PDE4D: variants seen among roughly 807,000 people sequenced by gnomAD.
PDE4D encodes phosphodiesterase 4D, also known as 3',5'-cyclic-AMP phosphodiesterase 4D.
PDE4D carries 24 observed loss-of-function variants against 87.4 expected under a neutral mutation model. The observed-to-expected ratio is 0.27, with a 90% confidence interval of 0.20 to 0.39. The LOEUF is 0.39. Among genes scored for constraint, PDE4D ranks in the 10% least tolerant of loss-of-function variants. The probability of loss-of-function intolerance (pLI) is 1.00; values close to 1 mark genes in which losing one functional copy is unlikely to be tolerated. For missense variants in PDE4D, 714 were observed against 1,041.0 expected, an observed-to-expected ratio of 0.69 and a Z score of 4.32; for synonymous variants, 384 against 383.2, an observed-to-expected ratio of 1.00 and a Z score of -0.02.
intron 3 of PDE4D, among the ~76,000 whole-genome samples, chr5:59,924,490 A>G (rs1418964555): frequency 2.0e-5 from 3 of 152,130 alleles, no homozygotes; most frequent in Non-Finnish European, 4.4e-5. Context: ...CAACAGGAGA[A>G]AATAAACAAA....
chr5:59,824,325 C>T (rs1001043167), intron 1 of PDE4D, among the ~76,000 whole-genome samples: 5 of 152,170 alleles, frequency 3.3e-5, no homozygotes, highest in East Asian at 1.9e-4. Context: ...GAACTGGCCA[C>T]GTTTCAAGTG....
At chr5:59,504,127 G>A (rs1399549652) in intron 1 of PDE4D, among the ~76,000 whole-genome samples, 1 of 152,028 alleles carries the variant, frequency 6.6e-6, no homozygotes, top group Non-Finnish European at 1.5e-5. Context: ...GTAATAGCAT[G>A]TGCTAAATGT....
At chr5:59,937,889 C>T (rs1756775461) in intron 3 of PDE4D, among the ~76,000 whole-genome samples, 1 of 152,204 alleles carries the variant, frequency 6.6e-6, no homozygotes, top group Admixed American at 6.5e-5. Flanking sequence ...TCTTATGCTT[C>T]CTCTAAGGAT....
chr5:60,215,832 A>T (rs1187719079), intron 1 of PDE4D, among the ~76,000 whole-genome samples: 1 of 152,198 alleles, frequency 6.6e-6, no homozygotes, highest in Non-Finnish European at 1.5e-5. Flanking sequence ...TCCCAATATA[A>T]ATAAGATAGA....
intron 6 of PDE4D, among the ~76,000 whole-genome samples, chr5:59,015,272 T>C (rs560662434): frequency 1.3e-4 from 20 of 151,888 alleles, no homozygotes; most frequent in African/African-American, 4.8e-4. Flanking sequence ...AATTGACAAA[T>C]GGGATCTAAT....
chr5:60,327,859 G>A (rs761043705), intron 1 of PDE4D, among the ~76,000 whole-genome samples: 2 of 151,532 alleles, frequency 1.3e-5, no homozygotes, highest in Non-Finnish European at 3.0e-5. Flanking sequence ...AAGTTACATG[G>A]ATATATTCAG....
chr5:60,269,486 C>T (rs1750594408), intron 1 of PDE4D, among the ~76,000 whole-genome samples: 1 of 152,132 alleles, frequency 6.6e-6, no homozygotes, highest in Non-Finnish European at 1.5e-5. Context: ...TGGTTGGACA[C>T]CTGTGTTGAT....
At chr5:60,089,290 G>A (rs571586588) in intron 2 of PDE4D, among the ~76,000 whole-genome samples, 2 of 152,038 alleles carry the variant, frequency 1.3e-5, no homozygotes, top group South Asian at 4.1e-4. Context: ...CATATGTTAG[G>A]TAACAAAACA....
At chr5:59,527,179 A>C (rs1263675361) in intron 1 of PDE4D, among the ~76,000 whole-genome samples, 1 of 152,194 alleles carries the variant, frequency 6.6e-6, no homozygotes. Flanking sequence ...GTGTGCATGC[A>C]AGTGTGTTTA....
intron 2 of PDE4D, among the ~76,000 whole-genome samples, chr5:59,990,384 C>A (rs1762883174): frequency 1.3e-5 from 2 of 152,272 alleles, no homozygotes; most frequent in Admixed American, 6.5e-5. Context: ...GCTCACTCTT[C>A]ACATTGATTC....
chr5:60,053,805 C>G (rs1360964023), intron 2 of PDE4D, among the ~76,000 whole-genome samples: 1 of 152,126 alleles, frequency 6.6e-6, no homozygotes, highest in African/African-American at 2.4e-5. Context: ...GGTCTAACAT[C>G]TAGAATCTAC....
rs755188346 is a variant in PDE4D at position 59,514,400 on chromosome 5, C to A, written c.456-298432G>T. Among the ~76,000 whole-genome samples, 3 of 152,204 alleles carry A rather than the reference C, an allele frequency of 2.0e-5. No homozygotes were observed. The South Asian group carries it at 6.2e-4, about 32-fold the overall frequency. ...GATTACAGGCGTGAGCCACCGCACC[C>A]GGCCTTCATTTTTCAATTTAGAATC... On this transcript the variant is annotated intron_variant, in intron 1 of 14. Transcript: ENST00000340635.
intron 1 of PDE4D, among the ~76,000 whole-genome samples, chr5:59,808,754 A>AT: frequency 6.6e-6 from 1 of 152,286 alleles, no homozygotes; most frequent in African/African-American, 2.4e-5. Context: ...GATTATGAAT[A>AT]TAACCCCAGC....
chr5:60,290,096 T>C (rs1752755618), intron 1 of PDE4D, among the ~76,000 whole-genome samples: 1 of 152,220 alleles, frequency 6.6e-6, no homozygotes, highest in Non-Finnish European at 1.5e-5. Context: ...GTGTCTCCAC[T>C]AGTGGCTTGA....
chr5:59,364,950 T>C lies in PDE4D; in HGVS notation c.456-148982A>G, dbSNP rs865943135. Reference sequence around the variant, plus strand: ...GCATCACCTCACATGTCCCAGGCTATGCCAGCTGCCTGCTAGTAGTCAATG... The same window carrying C: ...GCATCACCTCACATGTCCCAGGCTACGCCAGCTGCCTGCTAGTAGTCAATG... On this transcript the variant is annotated intron_variant, in intron 1 of 14. Transcript: ENST00000340635. Among the ~76,000 whole-genome samples the C allele has an allele frequency of 5.9e-5, 9 of 152,078 alleles. 1 individual carries two copies. Among genetic ancestry groups the C allele is most frequent in the Admixed American group, 2.0e-4 (3 of 15,256 alleles).
Position 60,197,863 on chromosome 5 carries a change from C to T in PDE4D, c.-89-12176G>A, listed in dbSNP as rs533033771. ...CTCTGTCTCTTAGGAAGCAACAGCC[C>T]GTTAGCGCCCTTGCAAGGGAATGAG... On this transcript the variant is annotated intron_variant, in intron 1 of 16. Transcript: ENST00000502484. Among the ~76,000 whole-genome samples the T allele has an allele frequency of 5.5e-4, 84 of 151,656 alleles. 3 individuals are homozygous for T. Among genetic ancestry groups the T allele is most frequent in the Middle Eastern group, 3.4e-3 (1 of 294 alleles).
At chr5:59,566,350 C>T (rs1209570845) in intron 1 of PDE4D, among the ~76,000 whole-genome samples, 1 of 152,180 alleles carries the variant, frequency 6.6e-6, no homozygotes, top group African/African-American at 2.4e-5. Flanking sequence ...TCATTCACCA[C>T]ATAAGGTTCT....
In PDE4D at chr5:59,779,809, T is replaced by A. The variant is rs528743778; in HGVS notation, c.455+113359A>T. On this transcript the variant is annotated intron_variant, in intron 1 of 14. Transcript: ENST00000340635. ...ACATTCTTGCAAAACGCATTGGGAA[T>A]ACATGCCAAGTATTTTTTTTAATAA... Among the ~76,000 whole-genome samples the A allele has an allele frequency of 4.6e-5, 7 of 152,360 alleles. 1 individual carries two copies. The highest frequency in any genetic ancestry group is 1.7e-4 in the African/African-American group (7 of 41,578).
intron 1 of PDE4D, among the ~76,000 whole-genome samples, chr5:59,722,642 G>A (rs751554761): frequency 1.3e-5 from 2 of 152,110 alleles, no homozygotes; most frequent in Non-Finnish European, 2.9e-5. Flanking sequence ...TCTGTCTCAA[G>A]ACATTAAATA....
Sources: allele counts gnomAD v4.1 joint callset (sites outside exome capture counted in the v4.1 genomes callset), GRCh38; gene constraint gnomAD v4.1.1; transcripts MANE v1.5; gene names NCBI Gene and HGNC (gene_info 2026-07-23, HGNC 2026-07-21).